PODXL: variants seen among roughly 807,000 people sequenced by gnomAD.
PODXL encodes the protein podocalyxin.
PODXL carries 20 observed loss-of-function variants against 48.9 expected under a neutral mutation model. The observed-to-expected ratio is 0.41, with a 90% CI of 0.29 to 0.59. The LOEUF is 0.59. Among genes scored for constraint, PODXL ranks in the 20% least tolerant of loss-of-function variants. PODXL has a pLI of 0.31. For synonymous variants in PODXL, 295 were observed against 287.4 expected (o/e 1.03, Z -0.27); for missense variants, 606 against 675.1 (o/e 0.90, Z 1.13).
intron 1 of PODXL, among the ~76,000 whole-genome samples, chr7:131,536,381 C>T (rs940643078): frequency 6.6e-6 from 1 of 152,160 alleles, no homozygotes; most frequent in African/African-American, 2.4e-5. Context: ...TATTGCCACC[C>T]CTCAGTGGGC....
intron 4 of PODXL, 85 bp downstream of exon 4, chr7:131,509,280 G>C (rs754643727): frequency 1.6e-5 from 18 of 1,114,824 alleles, no homozygotes; most frequent in Non-Finnish European, 2.1e-5. Context: ...GCCCTGCGTT[G>C]GAGGAAAGAA....
rs1797758902 is a variant in PODXL at position 131,504,209 on chromosome 7, G to C, written c.*102C>G. On this transcript the variant is annotated 3_prime_UTR_variant, in exon 9 of 9. Transcript: ENST00000378555. ...GGATTGGGAGGGGACACCCCTCGGA[G>C]TTCACTCTCCCTCCCCAGTCTTTCC... 1 of 949,114 alleles carries C rather than the reference G, an allele frequency of 1.1e-6. No homozygotes were observed. The allele number at this position is 949,114 out of a possible 1,614,324, so 58.8% of individuals were successfully genotyped here.
rs772512722 is a variant in PODXL at position 131,504,464 on chromosome 7, A to G, written c.1524T>C (p.His508=). Residue 508 remains histidine, a synonymous_variant, in exon 9 of 9, where the codon CAT becomes CAC. Transcript: ENST00000378555. ...CCATCACTTCCAGTGTTGGGTTGTCATGGTAACCATTCTCCACTGTCTGCA... is the reference window on the plus strand; with the variant it reads ...CCATCACTTCCAGTGTTGGGTTGTCGTGGTAACCATTCTCCACTGTCTGCA... The part of the protein sequence containing the change: ...EELQTVENGY[H]DNPTLEVMET... The G allele has an allele frequency of 5.6e-6, 9 of 1,614,078 alleles. No individual in the cohort carries two copies. The highest frequency in any genetic ancestry group is 6.8e-6 in the Non-Finnish European group (8 of 1,180,030).
At chr7:131,524,379 C>CACACACAGAGAGAGAGAGAGAGAG (rs746255906) in intron 1 of PODXL, among the ~76,000 whole-genome samples, 7 of 104,102 alleles carry the variant, frequency 6.7e-5, no homozygotes, top group African/African-American at 1.7e-4. Flanking sequence ...CACACACACA[C>CACACACAGAGAGAGAGAGAGAGAG]AGAGAGAGAG....
chr7:131,550,833 A>G (rs992068040), intron 1 of PODXL, among the ~76,000 whole-genome samples: 2 of 151,970 alleles, frequency 1.3e-5, no homozygotes, highest in African/African-American at 4.8e-5. Flanking sequence ...ACCTCCTGGA[A>G]AGCTATTTAT....
chr7:131,537,608 C>T (rs1300237926), intron 1 of PODXL, among the ~76,000 whole-genome samples: 1 of 62,002 alleles, frequency 1.6e-5, no homozygotes, highest in Non-Finnish European at 3.5e-5. Context: ...ACCCCACCCC[C>T]CCAAAAAGGT....
intron 1 of PODXL, among the ~76,000 whole-genome samples, chr7:131,542,477 G>A (rs546050604): frequency 6.6e-5 from 10 of 152,254 alleles, no homozygotes; most frequent in African/African-American, 2.2e-4. Context: ...GCAATATAAC[G>A]ACACCTCACC....
At chr7:131,551,862 G>C (rs770688997) in intron 1 of PODXL, among the ~76,000 whole-genome samples, 1 of 151,830 alleles carries the variant, frequency 6.6e-6, no homozygotes. Context: ...GCGTGAACCC[G>C]GGAGGTGGAG....
At chr7:131,521,405 C>T (rs1269537530) in intron 1 of PODXL, among the ~76,000 whole-genome samples, 3 of 151,068 alleles carry the variant, frequency 2.0e-5, no homozygotes, top group African/African-American at 7.3e-5. Context: ...GTGATTTCAG[C>T]TCACTGGCTC....
intron 1 of PODXL, among the ~76,000 whole-genome samples, chr7:131,544,843 C>G (rs910407084): frequency 1.3e-5 from 2 of 152,210 alleles, no homozygotes; most frequent in African/African-American, 4.8e-5. Flanking sequence ...CCCTCAACCA[C>G]CAACTCCCAG....
chr7:131,542,335 C>T (rs1376555796), intron 1 of PODXL, among the ~76,000 whole-genome samples: 1 of 152,130 alleles, frequency 6.6e-6, no homozygotes, highest in Admixed American at 6.6e-5. Flanking sequence ...ACTCCCATGC[C>T]CAGAACAAGA....
At chr7:131,541,870 C>T (rs902931275) in intron 1 of PODXL, among the ~76,000 whole-genome samples, 3 of 152,082 alleles carry the variant, frequency 2.0e-5, no homozygotes, top group African/African-American at 4.8e-5. Flanking sequence ...CTATGGGCAC[C>T]GCCTAGGGAA....
chr7:131,506,898 T>G, intron 5 of PODXL, 172 bp from the exon 6 acceptor site: 2 of 660,286 alleles, frequency 3.0e-6, no homozygotes, highest in Non-Finnish European at 5.2e-6. Context: ...AAGGGTTGCA[T>G]GCTGTTCTCC....
chr7:131,534,527 G>A (rs1279237159), intron 1 of PODXL, among the ~76,000 whole-genome samples: 1 of 152,174 alleles, frequency 6.6e-6, no homozygotes, highest in Non-Finnish European at 1.5e-5. Flanking sequence ...GGTGGCCGGC[G>A]GGGGTAGGCA....
At chr7:131,553,056 G>A (rs770730512) in intron 1 of PODXL, among the ~76,000 whole-genome samples, 11 of 152,028 alleles carry the variant, frequency 7.2e-5, no homozygotes, top group African/African-American at 1.7e-4. Context: ...AAATTTGCTG[G>A]GATTCCAGGC....
At position 131,500,564 on chromosome 7, in the gene PODXL, T is replaced by TTACTC. The variant is rs1414324227; in HGVS notation, c.*3742_*3746dup. 1 of 152,374 alleles carries TTACTC rather than the reference T, an allele frequency of 6.6e-6. No homozygotes were observed. The highest frequency in any genetic ancestry group is 2.4e-5 in the African/African-American group (1 of 41,448). 9.4% of individuals were successfully genotyped at this position (152,374 alleles called of 1,614,324 possible). On this transcript the variant is annotated 3_prime_UTR_variant, in exon 9 of 9. Transcript: ENST00000378555. ...CCGTGACAAAAGCTATGCTACAGTT[T>TTACTC]TACTCTTGCCCTCTCTGCCTCCCCC... is the stretch of plus-strand genomic sequence containing the variant.
At chr7:131,509,635 G>A (rs765299266) in intron 3 of PODXL, 50 bp from the exon 4 acceptor site, 2 of 1,214,280 alleles carry the variant, frequency 1.6e-6, no homozygotes, top group Non-Finnish European at 1.2e-6. Context: ...GCACCCTTGC[G>A]AGAAGAGGAC....
In PODXL at chr7:131,502,811, T is replaced by C. The variant is rs1161758669; in HGVS notation, c.*1500A>G. Reference sequence around the variant, plus strand: ...ACATGGCAGCTAACTGCCGAGCCCATAAAAGTCCTATATTGGGGAATAGAC... The same window carrying C: ...ACATGGCAGCTAACTGCCGAGCCCACAAAAGTCCTATATTGGGGAATAGAC... On this transcript the variant is annotated 3_prime_UTR_variant, in exon 9 of 9. Coordinates refer to ENST00000378555, the MANE Select transcript of PODXL (RefSeq NM_001018111.3). 1.3e-5 allele frequency: 2 copies of C among 152,586 alleles called. No homozygotes were observed. Among genetic ancestry groups the C allele is most frequent in the Non-Finnish European group, 1.5e-5 (1 of 68,050 alleles). The allele number at this position is 152,586 out of a possible 1,614,324, so 9.5% of individuals were successfully genotyped here.
At chr7:131,540,580 G>GCA (rs963801559) in intron 1 of PODXL, among the ~76,000 whole-genome samples, 3 of 151,996 alleles carry the variant, frequency 2.0e-5, no homozygotes, top group African/African-American at 7.2e-5. Context: ...CTGTCCCCAG[G>GCA]CACACACACA....
Sources: allele counts gnomAD v4.1 joint callset (sites outside exome capture counted in the v4.1 genomes callset), GRCh38; gene constraint gnomAD v4.1.1; transcripts MANE v1.5; gene names NCBI Gene and HGNC (gene_info 2026-07-23, HGNC 2026-07-21).